The following IFT88 variants were observed in gnomAD, a reference collection of about 807,000 sequenced individuals.
IFT88 encodes the protein intraflagellar transport 88.
In IFT88, 74 loss-of-function variants were observed where a neutral mutation model predicts 119.5. That is an observed-to-expected ratio of 0.62 (90% confidence interval 0.51 to 0.75). The LOEUF (loss-of-function observed/expected upper bound fraction) is 0.75. IFT88 is among the 30% of genes least tolerant of loss of function. The pLI is 0.00. For synonymous variants in IFT88, 279 were observed against 316.7 expected (o/e 0.88, Z 1.26); for missense variants, 961 against 977.7 (o/e 0.98, Z 0.23).
intron 23 of IFT88, among the ~76,000 whole-genome samples, chr13:20,667,609 A>T (rs2054938098): frequency 7.0e-6 from 1 of 141,874 alleles, no homozygotes. Flanking sequence ...TCTTTTTTGT[A>T]TTTTTTTTTT....
intron 7 of IFT88, among the ~76,000 whole-genome samples, chr13:20,594,204 C>G (rs1396484479): frequency 6.6e-6 from 1 of 152,150 alleles, no homozygotes; most frequent in Non-Finnish European, 1.5e-5. Context: ...CTCTTTGTTT[C>G]CCTTGGCTTT....
At chr13:20,674,004 C>T (rs7982574) in intron 24 of IFT88, among the ~76,000 whole-genome samples, 6,529 of 152,226 alleles carry the variant, frequency 0.043, 185 homozygotes, top group Middle Eastern at 0.075. Context: ...TCTGACATCT[C>T]GAGTTATGCA....
At chr13:20,597,287 A>G (rs2041807798) in intron 9 of IFT88, among the ~76,000 whole-genome samples, 168 bp downstream of exon 9, 1 of 152,066 alleles carries the variant, frequency 6.6e-6, no homozygotes, top group South Asian at 2.1e-4. Context: ...GTTTTGTGCA[A>G]AGAGCTCTTT....
chr13:20,621,349 G>A (rs1311129339), intron 14 of IFT88, among the ~76,000 whole-genome samples: 1 of 152,092 alleles, frequency 6.6e-6, no homozygotes, highest in Non-Finnish European at 1.5e-5. Context: ...TTACAGGCGT[G>A]AGCCACCATG....
rs548286480 is a variant in IFT88 at position 20,591,394 on chromosome 13, A to C, written c.265-224A>C. ...AGAGTAGCTGGCTAATAAGCTGATTAATTTTTTTTAAAACTATAGCCCAAT... is the reference window on the plus strand; with the variant it reads ...AGAGTAGCTGGCTAATAAGCTGATTCATTTTTTTTAAAACTATAGCCCAAT... On this transcript the variant is annotated intron_variant, in intron 5 of 25. Transcript: ENST00000351808. Among the ~76,000 whole-genome samples the C allele has an allele frequency of 2.6e-5, 4 of 152,316 alleles. No individual in the cohort carries two copies. The South Asian group carries it at 8.3e-4, about 32-fold the overall frequency.
rs2054186157 is a variant in IFT88, at chr13:20,663,688, T to C, written c.2175+84T>C. On this transcript the variant is annotated intron_variant, in intron 23 of 25. Transcript: ENST00000351808. ...AGCTCAAATGTGTGATGTTAGGAGC[T>C]TCTATAAGAAAACAGAGTTGAAATT... 3 of 959,544 alleles carry C rather than the reference T, an allele frequency of 3.1e-6. No individual in the cohort carries two copies. The East Asian group carries it at 7.8e-5, about 25-fold the overall frequency. The allele number at this position is 959,544 out of a possible 1,614,324, so 59.4% of individuals were successfully genotyped here. A position where few individuals can be genotyped will look rare whatever the true frequency, so the allele number is the denominator to read the frequency against.
At chr13:20,615,467 T>C (rs568046092) in intron 13 of IFT88, among the ~76,000 whole-genome samples, 27 of 152,192 alleles carry the variant, frequency 1.8e-4, no homozygotes, top group Non-Finnish European at 3.2e-4. Context: ...TTTACTTTCG[T>C]GTCTGCAGTG....
intron 23 of IFT88, among the ~76,000 whole-genome samples, chr13:20,670,523 C>T (rs888888073): frequency 1.5e-4 from 14 of 94,980 alleles, no homozygotes; most frequent in East Asian, 6.2e-4. Flanking sequence ...CTCAGCTTAC[C>T]TTTTTTTTTT....
At chr13:20,606,463 T>G (rs544687357) in intron 13 of IFT88, among the ~76,000 whole-genome samples, 1 of 152,312 alleles carries the variant, frequency 6.6e-6, no homozygotes, top group South Asian at 2.1e-4. Context: ...GATTTCCACC[T>G]TCACCTGGCA....
chr13:20,656,213 TTTC>T (rs766102689), intron 21 of IFT88, 149 bp from the exon 22 acceptor site: 24 of 357,390 alleles, frequency 6.7e-5, no homozygotes, highest in Non-Finnish European at 1.0e-4. Flanking sequence ...ATCTATACAT[TTTC>T]TTCTAAAAGT....
rs748358611 is a variant in IFT88, at chr13:20,597,044, A to T, written c.519A>T (p.Arg173Ser). Reference sequence around the variant, plus strand: ...TAGAAAAGGCAAAAGATGCAGGAAGAAAAGAGAGAGTCCTGGTGAGACAGC... The same window carrying T: ...TAGAAAAGGCAAAAGATGCAGGAAGTAAAGAGAGAGTCCTGGTGAGACAGC... ...LALEKAKDAG[R>S]KERVLVRQRE... is the part of the protein sequence containing the mutation. The change falls in exon 9 of 26, where the codon AGA (arginine) becomes AGT (serine). Residue 173 changes from arginine (R) to serine (S), a missense_variant. Arg to Ser is a moderately radical substitution (Grantham distance 110). Transcript: ENST00000351808. 3.7e-6 allele frequency: 6 copies of T among 1,606,752 alleles called. No homozygotes were observed. Among genetic ancestry groups the T allele is most frequent in the Non-Finnish European group, 5.1e-6 (6 of 1,176,656 alleles).
At chr13:20,599,632 T>C in intron 11 of IFT88, 67 bp downstream of exon 11, 1 of 719,526 alleles carries the variant, frequency 1.4e-6, no homozygotes, top group Non-Finnish European at 2.4e-6. Context: ...ATAACTCTTC[T>C]GACCTGTTTT....
At chr13:20,687,655 G>GT (rs2058070704) in intron 24 of IFT88, among the ~76,000 whole-genome samples, 1 of 151,778 alleles carries the variant, frequency 6.6e-6, no homozygotes, top group African/African-American at 2.4e-5. Context: ...ATGTCTGACG[G>GT]TAAGATAGTC....
At chr13:20,655,455 CAAAAA>C (rs113356300) in intron 21 of IFT88, among the ~76,000 whole-genome samples, 3 of 145,460 alleles carry the variant, frequency 2.1e-5, no homozygotes, top group African/African-American at 7.5e-5. Flanking sequence ...AAAAAAAAAA[CAAAAA>C]AAACCACACA....
In IFT88 at chr13:20,607,083, A is replaced by G. The variant is rs578013001; in HGVS notation, c.1112+1978A>G. 9.1e-4 allele frequency among the ~76,000 whole-genome samples: 138 copies of G among 152,228 alleles called. 1 individual carries two copies. The highest frequency in any genetic ancestry group is 3.0e-3 in the African/African-American group (126 of 41,550). ...AGGATGGCGGCGGCTACAGTGGGCAATGTGGTCAACTAGGTGATCCTGAGT... is the reference window on the plus strand; with the variant it reads ...AGGATGGCGGCGGCTACAGTGGGCAGTGTGGTCAACTAGGTGATCCTGAGT... On this transcript the variant is annotated intron_variant, in intron 13 of 25. Coordinates refer to ENST00000351808, the MANE Select transcript of IFT88 (RefSeq NM_006531.5).
intron 1 of IFT88, among the ~76,000 whole-genome samples, chr13:20,571,595 A>T (rs2036376466): frequency 6.6e-6 from 1 of 152,168 alleles, no homozygotes; most frequent in Non-Finnish European, 1.5e-5. Flanking sequence ...GAATCTTGAA[A>T]TTTTACATTT....
chr13:20,642,877 C>T (rs1425017291), intron 18 of IFT88: 1 of 151,342 alleles, frequency 6.6e-6, no homozygotes, highest in Non-Finnish European at 1.5e-5. Flanking sequence ...GCTTCTTTTT[C>T]AATAAACTTT....
At chr13:20,608,732 G>A (rs1468112803) in intron 13 of IFT88, among the ~76,000 whole-genome samples, 1 of 152,194 alleles carries the variant, frequency 6.6e-6, no homozygotes, top group Non-Finnish European at 1.5e-5. Context: ...CCGTTTCCCA[G>A]TCATCCCCTT....
intron 2 of IFT88, among the ~76,000 whole-genome samples, chr13:20,582,167 G>C (rs1020363771): frequency 6.6e-6 from 1 of 152,020 alleles, no homozygotes; most frequent in Non-Finnish European, 1.5e-5. Flanking sequence ...TAGGAAATAC[G>C]GGATGGTTGG....
Sources: gnomAD v4.1 joint callset for allele counts (sites outside exome capture counted in the v4.1 genomes callset) on GRCh38, gnomAD v4.1.1 for gene constraint, MANE v1.5 for transcripts, NCBI Gene and HGNC (gene_info 2026-07-23, HGNC 2026-07-21) for gene names.